MAP3K2: variants seen among roughly 807,000 people sequenced by gnomAD.
MAP3K2 encodes MAP/ERK kinase kinase 2.
In MAP3K2, 24 loss-of-function variants were observed where a neutral mutation model predicts 80.3. The ratio of observed to expected loss-of-function variants is 0.30; its 90% CI spans 0.22 to 0.42. The LOEUF (loss-of-function observed/expected upper bound fraction) is 0.42. Among genes scored for constraint, MAP3K2 ranks in the 10% least tolerant of loss-of-function variants. The pLI is 1.00. For missense variants in MAP3K2, 608 were observed against 750.1 expected, an observed-to-expected ratio of 0.81 and a Z score of 2.21; for synonymous variants, 244 against 253.7, an observed-to-expected ratio of 0.96 and a Z score of 0.36.
intron 9 of MAP3K2, 120 bp from the exon 10 acceptor site, chr2:127,324,361 C>T (rs1171447872): frequency 5.4e-6 from 3 of 558,062 alleles, no homozygotes; most frequent in South Asian, 6.8e-5. Context: ...TAAAGGAGCT[C>T]ACTTTGAAAG....
chr2:127,332,949 G>A lies in MAP3K2; in HGVS notation c.265-2444C>T, dbSNP rs148127724. Among the ~76,000 whole-genome samples, 469 of 152,048 alleles carry A rather than the reference G, an allele frequency of 3.1e-3. 19 individuals are homozygous for A. The East Asian group carries it at 0.082, about 27-fold the overall frequency. ...GTTTGAGACCAGCCTGGGCAACATG[G>A]TGAAACCACATCTCTAGAAAAAATA... is the stretch of plus-strand genomic sequence containing the variant. On this transcript the variant is annotated intron_variant, in intron 5 of 16. Coordinates refer to ENST00000682094, the MANE Select transcript of MAP3K2 (RefSeq NM_001371910.2).
chr2:127,325,652 C>A (rs750782636), intron 9 of MAP3K2, 76 bp downstream of exon 9: 1 of 1,164,464 alleles, frequency 8.6e-7, no homozygotes, highest in South Asian at 1.3e-5. Flanking sequence ...CACGCCACTG[C>A]GCTCCAGCCT....
rs1424543647 is a variant in MAP3K2, at chr2:127,302,018, TC to T, written c.*5560del. On this transcript the variant is annotated 3_prime_UTR_variant, in exon 17 of 17. Transcript: ENST00000682094. ...AGGAATAGCTGCTTCACAGCATGCT[TC>T]CCCTAGCCAACCAAAAAGAGGTACA... 6 of 152,252 alleles carry T rather than the reference TC, an allele frequency of 3.9e-5. No homozygotes were observed. The highest frequency in any genetic ancestry group is 1.4e-4 in the African/African-American group (6 of 41,564). 9.4% of individuals were successfully genotyped at this position (152,252 alleles called of 1,614,324 possible).
chr2:127,335,304 A>G (rs2104838921), intron 5 of MAP3K2, among the ~76,000 whole-genome samples: 1 of 152,348 alleles, frequency 6.6e-6, no homozygotes, highest in African/African-American at 2.4e-5. Flanking sequence ...CAAGATCCTG[A>G]TATCTCATAG....
chr2:127,307,816 C>T lies in MAP3K2; in HGVS notation c.1635-12G>A, dbSNP rs771097669. The T allele has an allele frequency of 4.5e-6, 7 of 1,544,902 alleles. No homozygotes were observed. The Admixed American group carries it at 1.4e-4, about 30-fold the overall frequency. ...TACATGCAACACTCCTGAAAAGAAA[C>T]AAAAAGAAATACATTACACAAACAA... On this transcript the variant is annotated splice_polypyrimidine_tract_variant and intron_variant, in intron 16 of 16. Coordinates refer to ENST00000682094, the MANE Select transcript of MAP3K2 (RefSeq NM_001371910.2). This position sits in a 1 kb window ranked among gnomAD's most constrained non-coding sequence, Gnocchi z 5.4.
At chr2:127,329,239 T>G (rs79433611) in intron 7 of MAP3K2, among the ~76,000 whole-genome samples, 1,749 of 152,290 alleles carry the variant, frequency 0.011, 32 homozygotes, top group African/African-American at 0.04. Flanking sequence ...TATCTTTATT[T>G]TGAGAGCATT....
intron 1 of MAP3K2, among the ~76,000 whole-genome samples, chr2:127,358,787 C>A (rs1686835293): frequency 6.6e-6 from 1 of 152,064 alleles, no homozygotes; most frequent in African/African-American, 2.4e-5. Context: ...CAAAAATTAG[C>A]CGGGCACGGT....
At chr2:127,346,605 C>T (rs141299050) in intron 1 of MAP3K2, among the ~76,000 whole-genome samples, 2 of 151,960 alleles carry the variant, frequency 1.3e-5, no homozygotes, top group Non-Finnish European at 2.9e-5. Flanking sequence ...AAATTATATA[C>T]CATGCACATT....
chr2:127,319,235 G>GAAAAA (rs11305589), intron 12 of MAP3K2, among the ~76,000 whole-genome samples: 5 of 120,878 alleles, frequency 4.1e-5, no homozygotes, highest in Non-Finnish European at 5.2e-5. Flanking sequence ...GAATGCAAAA[G>GAAAAA]AAAAAAAAAA....
At chr2:127,343,774 T>C (rs568422189) in intron 1 of MAP3K2, among the ~76,000 whole-genome samples, 6 of 152,134 alleles carry the variant, frequency 3.9e-5, no homozygotes, top group Non-Finnish European at 8.8e-5. Flanking sequence ...TCCCAGCACT[T>C]TGGGAGGCCT....
chr2:127,323,577 C>G (rs765301949), intron 11 of MAP3K2, among the ~76,000 whole-genome samples: 8 of 151,856 alleles, frequency 5.3e-5, no homozygotes, highest in Non-Finnish European at 1.2e-4. Flanking sequence ...ATGGCACACA[C>G]CTGAACTCAG....
chr2:127,360,639 G>A (rs1686869359), intron 1 of MAP3K2, among the ~76,000 whole-genome samples: 2 of 152,086 alleles, frequency 1.3e-5, no homozygotes, highest in Non-Finnish European at 2.9e-5. Context: ...TACTAGCTCT[G>A]CAACTCTGAT....
rs1037337093 is a variant in MAP3K2, at chr2:127,310,907, ATTC to A, written c.1457-2148_1457-2146del. Among the ~76,000 whole-genome samples the A allele has an allele frequency of 2.6e-5, 4 of 151,822 alleles. No homozygotes were observed. The highest frequency in any genetic ancestry group is 4.4e-5 in the Non-Finnish European group (3 of 67,964). Reference sequence around the variant, plus strand: ...TATCTAATTTTAAAATTTTACTTCAATTCTTATTTTTAACTCTTCCATAACCTT... The same window carrying A: ...TATCTAATTTTAAAATTTTACTTCAATTATTTTTAACTCTTCCATAACCTT... On this transcript the variant is annotated intron_variant, in intron 15 of 16. Coordinates refer to ENST00000682094, the MANE Select transcript of MAP3K2 (RefSeq NM_001371910.2). This position sits in a 1 kb window ranked among gnomAD's most constrained non-coding sequence, Gnocchi z 4.8.
intron 1 of MAP3K2, among the ~76,000 whole-genome samples, chr2:127,361,120 T>G (rs535684261): frequency 6.8e-4 from 103 of 152,146 alleles, no homozygotes; most frequent in Non-Finnish European, 1.0e-3. Flanking sequence ...GAGACCATCC[T>G]GGCTAACACA....
In MAP3K2 at chr2:127,364,524, T is replaced by C. The variant is rs1226065031; in HGVS notation, c.-65-21330A>G. On this transcript the variant is annotated intron_variant, in intron 1 of 16. Coordinates refer to ENST00000682094, the MANE Select transcript of MAP3K2 (RefSeq NM_001371910.2). This position sits in a 1 kb window ranked among gnomAD's most constrained non-coding sequence, Gnocchi z 4.1. ...TTATCGTCTGTGGACTGTCAGACGA[T>C]GTGCTAGACATTTCACATACACTAC... Among the ~76,000 whole-genome samples, 4 of 152,196 alleles carry C rather than the reference T, an allele frequency of 2.6e-5. No individual in the cohort carries two copies. The highest frequency in any genetic ancestry group is 9.7e-5 in the African/African-American group (4 of 41,442).
chr2:127,350,093 G>A (rs988423153), intron 1 of MAP3K2, among the ~76,000 whole-genome samples: 1 of 152,062 alleles, frequency 6.6e-6, no homozygotes, highest in African/African-American at 2.4e-5. Context: ...CTGTACGGCT[G>A]AGGAATCAGA....
rs11452548 is a variant in MAP3K2, at chr2:127,318,048, CTTTTT to C, written c.1194+116_1194+120del. On this transcript the variant is annotated intron_variant, in intron 13 of 16. Coordinates refer to ENST00000682094, the MANE Select transcript of MAP3K2 (RefSeq NM_001371910.2). ...AAATAATTTATACTAAAGAAAACTG[CTTTTT>C]TTTTTTTTTGAAAAAAAATGCTTCT... is the stretch of plus-strand genomic sequence containing the variant. The C allele has an allele frequency of 5.2e-6, 3 of 578,720 alleles. No individual in the cohort carries two copies. In the South Asian group the frequency reaches 1.6e-4, roughly 30 times the overall value. The allele number at this position is 578,720 out of a possible 1,614,324, so 35.8% of individuals were successfully genotyped here.
intron 9 of MAP3K2, 92 bp downstream of exon 9, chr2:127,325,636 C>T (rs10439214): frequency 0.064 from 60,095 of 938,890 alleles, 2,531 homozygotes; most frequent in African/African-American, 0.17. Context: ...TGCAGTAAGC[C>T]GCATTCACGC....
intron 1 of MAP3K2, among the ~76,000 whole-genome samples, chr2:127,385,549 C>G (rs188871573): frequency 2.0e-5 from 3 of 152,294 alleles, no homozygotes; most frequent in Admixed American, 2.0e-4. Flanking sequence ...GCCACAATCT[C>G]TCTAAGGTAT....
Sources: gnomAD v4.1 joint callset for allele counts (sites outside exome capture counted in the v4.1 genomes callset) on GRCh38, gnomAD v4.1.1 for gene constraint, Gnocchi (gnomAD v3.1) non-coding constraint, MANE v1.5 for transcripts, NCBI Gene and HGNC (gene_info 2026-07-23, HGNC 2026-07-21) for gene names.